Variants in NUMB observed in about 807,000 individuals in gnomAD.
NUMB encodes protein numb homolog.
NUMB carries 29 observed loss-of-function variants against 59.7 expected under a neutral mutation model. The ratio of observed to expected loss-of-function variants is 0.49; its 90% CI spans 0.36 to 0.66. NUMB has a LOEUF of 0.66. Ranked by LOEUF, NUMB falls within the 30% of genes least tolerant of loss-of-function variation. The pLI is 0.00. For missense variants in NUMB, 723 were observed against 822.0 expected (o/e 0.88, Z 1.47); for synonymous variants, 288 against 288.2 (o/e 1.00, Z 0.01).
chr14:73,357,040 C>T, intron 3 of NUMB: 1 of 965,230 alleles, frequency 1.0e-6, no homozygotes, highest in Admixed American at 6.2e-5. Context: ...AATGCCTTTC[C>T]ATATCGATAA....
rs546666141 is a variant in NUMB, at chr14:73,417,902, C to T, written c.-232-7834G>A. Among the ~76,000 whole-genome samples, 45 of 152,236 alleles carry T rather than the reference C, an allele frequency of 3.0e-4. 1 individual carries two copies. The South Asian group carries it at 9.3e-3, about 32-fold the overall frequency. The stretch of plus-strand genomic sequence containing the variant: ...TAGGTAGATCACAAGGTCAGGAGTT[C>T]GAGACCAGCCTGACCAACATGGTGA... On this transcript the variant is annotated intron_variant, in intron 1 of 12. Coordinates refer to ENST00000555238, the MANE Select transcript of NUMB (RefSeq NM_001005743.2).
intron 2 of NUMB, among the ~76,000 whole-genome samples, chr14:73,400,704 C>T (rs1457749873): frequency 6.6e-6 from 1 of 152,160 alleles, no homozygotes; most frequent in Admixed American, 6.5e-5. Flanking sequence ...TTACAAATGG[C>T]CAATGACTTA....
rs371572314 is a variant in NUMB, at chr14:73,279,230, G to C, written c.1240+51C>G. The C allele has an allele frequency of 6.8e-5, 110 of 1,610,204 alleles. No individual in the cohort carries two copies. The African/African-American group carries it at 1.4e-3, about 21-fold the overall frequency. ...GCTAACTGGCTGAGTTTTAGAACCAGGGTCACTTATCTGATCCCAGAATCC... is the reference window on the plus strand; with the variant it reads ...GCTAACTGGCTGAGTTTTAGAACCACGGTCACTTATCTGATCCCAGAATCC... On this transcript the variant is annotated intron_variant, in intron 12 of 12. Transcript: ENST00000555238.
chr14:73,335,960 A>G (rs1892289222), intron 4 of NUMB, among the ~76,000 whole-genome samples: 1 of 152,260 alleles, frequency 6.6e-6, no homozygotes. Flanking sequence ...TTCTTTAACT[A>G]TAAATTTGGA....
chr14:73,397,412 A>C (rs1896188208), intron 2 of NUMB, among the ~76,000 whole-genome samples: 1 of 152,190 alleles, frequency 6.6e-6, no homozygotes, highest in Admixed American at 6.5e-5. Context: ...GGGGAGAAAG[A>C]AGCCCTGCTT....
At chr14:73,356,482 A>T (rs1236501120) in intron 3 of NUMB, among the ~76,000 whole-genome samples, 1 of 152,108 alleles carries the variant, frequency 6.6e-6, no homozygotes, top group Non-Finnish European at 1.5e-5. Flanking sequence ...GCCTCTACTA[A>T]AACTACAAAA....
chr14:73,283,693 T>C (rs1413979871), intron 10 of NUMB, among the ~76,000 whole-genome samples: 1 of 152,242 alleles, frequency 6.6e-6, no homozygotes, highest in Admixed American at 6.5e-5. Context: ...CTGCTGGTAA[T>C]GCTATGTGTT....
At chr14:73,408,653 G>A (rs1191101138) in intron 2 of NUMB, among the ~76,000 whole-genome samples, 1 of 152,048 alleles carries the variant, frequency 6.6e-6, no homozygotes, top group Non-Finnish European at 1.5e-5. Context: ...CAAGGAGGGT[G>A]GATCACCTGA....
At chr14:73,409,708 G>A (rs1896823996) in intron 2 of NUMB, 1 of 152,082 alleles carries the variant, frequency 6.6e-6, no homozygotes, top group Admixed American at 6.5e-5. Flanking sequence ...CAGACAAAAA[G>A]AAAAACAATT....
chr14:73,288,256 T>C (rs1225223703), intron 8 of NUMB, among the ~76,000 whole-genome samples: 1 of 149,558 alleles, frequency 6.7e-6, no homozygotes, highest in African/African-American at 2.5e-5. Flanking sequence ...TCTACCAAAA[T>C]AATAAAAAAA....
intron 5 of NUMB, among the ~76,000 whole-genome samples, chr14:73,320,136 G>GC (rs200838442): frequency 1.3e-5 from 2 of 151,752 alleles, no homozygotes; most frequent in Admixed American, 6.6e-5. Flanking sequence ...CGACTCGGCG[G>GC]GGGGGCAAAA....
At chr14:73,395,202 T>TAC (rs142215964) in intron 2 of NUMB, among the ~76,000 whole-genome samples, 23,986 of 150,654 alleles carry the variant, frequency 0.16, 2,596 homozygotes, top group Non-Finnish European at 0.23. Context: ...ACATGATGTA[T>TAC]ACACACACAC....
At chr14:73,397,698 T>C (rs1014829473) in intron 2 of NUMB, among the ~76,000 whole-genome samples, 5 of 152,262 alleles carry the variant, frequency 3.3e-5, no homozygotes, top group African/African-American at 1.2e-4. Context: ...AATAAAAATC[T>C]ATTAACAATT....
At chr14:73,290,841 G>GTA (rs1889341068) in intron 8 of NUMB, among the ~76,000 whole-genome samples, 1 of 152,130 alleles carries the variant, frequency 6.6e-6, no homozygotes, top group African/African-American at 2.4e-5. Context: ...TTTCTGTTGA[G>GTA]TGTCATGTCG....
intron 12 of NUMB, among the ~76,000 whole-genome samples, chr14:73,278,309 C>T (rs1003259103): frequency 1.3e-5 from 2 of 151,926 alleles, no homozygotes; most frequent in African/African-American, 4.8e-5. Flanking sequence ...ATCACGAGGT[C>T]AGGAGTTCGA....
In NUMB at chr14:73,411,268, G is replaced by C. The variant is rs570064144; in HGVS notation, c.-232-1200C>G. ...GAGGTCTCACTATGTTGCGCAGGCT[G>C]AATGAATGAGTTTTACAACTTAGTA... On this transcript the variant is annotated intron_variant, in intron 1 of 12. Transcript: ENST00000555238. 5.3e-5 allele frequency among the ~76,000 whole-genome samples: 8 copies of C among 152,282 alleles called. No homozygotes were observed. In the East Asian group the frequency reaches 5.8e-4, roughly 11 times the overall value.
intron 2 of NUMB, among the ~76,000 whole-genome samples, chr14:73,398,480 G>A (rs997461765): frequency 1.3e-5 from 2 of 149,246 alleles, no homozygotes; most frequent in African/African-American, 2.5e-5. Flanking sequence ...TATAGCCAAG[G>A]TTAATAGCAA....
intron 1 of NUMB, among the ~76,000 whole-genome samples, chr14:73,419,453 G>A (rs914874825): frequency 6.6e-6 from 1 of 152,148 alleles, no homozygotes; most frequent in Non-Finnish European, 1.5e-5. Context: ...AGCTTGCAGT[G>A]AGCTGAGATT....
chr14:73,284,779 G>T, intron 9 of NUMB: 1 of 157,836 alleles, frequency 6.3e-6, no homozygotes, highest in Non-Finnish European at 1.4e-5. Context: ...ATAAGCATAA[G>T]CTTAACCATA....
Sources: gnomAD v4.1 joint callset for allele counts (sites outside exome capture counted in the v4.1 genomes callset) on GRCh38, gnomAD v4.1.1 for gene constraint, MANE v1.5 for transcripts, NCBI Gene and HGNC (gene_info 2026-07-23, HGNC 2026-07-21) for gene names.